ZNF407: variants seen among roughly 807,000 people sequenced by gnomAD.
ZNF407 encodes the protein zinc finger protein 407.
A neutral mutation model predicts 131.2 loss-of-function variants in ZNF407; 17 were observed. That is an observed-to-expected ratio of 0.13 (90% CI 0.09 to 0.19). The LOEUF (loss-of-function observed/expected upper bound fraction) is 0.19, where lower values mean the gene tolerates loss of function less well. ZNF407 is among the 10% of genes least tolerant of loss of function. The pLI, the probability that ZNF407 is intolerant of heterozygous loss-of-function variation, is 1.00. For missense variants in ZNF407, 2,681 were observed against 2,830.6 expected (o/e 0.95, Z 1.20); for synonymous variants, 1,156 against 1,062.0 (o/e 1.09, Z -1.72).
At chr18:74,871,411 C>A (rs1180157774) in intron 4 of ZNF407, among the ~76,000 whole-genome samples, 3 of 152,052 alleles carry the variant, frequency 2.0e-5, no homozygotes, top group Admixed American at 6.5e-5. Flanking sequence ...TTATAAACTT[C>A]GTTAGTACAT....
chr18:74,842,237 T>G (rs983618858), intron 4 of ZNF407, among the ~76,000 whole-genome samples: 2 of 152,136 alleles, frequency 1.3e-5, no homozygotes, highest in Non-Finnish European at 2.9e-5. Context: ...AAACGACAGG[T>G]GCCTAATAAA....
Position 74,632,422 on chromosome 18 carries a change from T to A in ZNF407, c.1403T>A (p.Met468Lys), listed in dbSNP as rs1359584330. The change falls in exon 2 of 9, where the codon ATG becomes AAG. Residue 468 changes from methionine to lysine, a missense_variant. Physicochemically the swap from Met to Lys is moderately conservative, Grantham distance 95. Coordinates refer to ENST00000299687, the MANE Select transcript of ZNF407 (RefSeq NM_017757.3). ...TATATGAAACACTTGAGAACACAGA[T>A]GAAAACACACGATGCAGAATCAGTG... ...RMYMKHLRTQ[M>K]KTHDAESVLK... The A allele has an allele frequency of 2.5e-6, 4 of 1,613,880 alleles. No individual in the cohort carries two copies. Among genetic ancestry groups the A allele is most frequent in the African/African-American group, 1.3e-5 (1 of 74,932 alleles).
At chr18:74,740,714 A>C (rs1002118219) in intron 3 of ZNF407, among the ~76,000 whole-genome samples, 1 of 152,110 alleles carries the variant, frequency 6.6e-6, no homozygotes, top group African/African-American at 2.4e-5. Flanking sequence ...AATTAATCCA[A>C]GTATCTTCCC....
At chr18:74,804,716 A>G (rs1599166346) in intron 4 of ZNF407, 3 of 647,802 alleles carry the variant, frequency 4.6e-6, no homozygotes, top group East Asian at 1.4e-4. Context: ...TACCATGATT[A>G]TCTGATATTC....
chr18:75,031,486 C>G (rs1257352311), intron 8 of ZNF407, among the ~76,000 whole-genome samples: 1 of 152,052 alleles, frequency 6.6e-6, no homozygotes, highest in African/African-American at 2.4e-5. Flanking sequence ...ATTAATTAGA[C>G]TTTTGTTTTG....
intron 3 of ZNF407, among the ~76,000 whole-genome samples, chr18:74,737,478 T>C (rs1026878714): frequency 3.2e-4 from 49 of 152,380 alleles, no homozygotes; most frequent in African/African-American, 1.1e-3. Flanking sequence ...TATAATTGTT[T>C]GTTATCTGTA....
At chr18:74,726,256 G>A (rs372580322) in intron 3 of ZNF407, among the ~76,000 whole-genome samples, 1 of 152,026 alleles carries the variant, frequency 6.6e-6, no homozygotes, top group African/African-American at 2.4e-5. Context: ...GGATAATTAT[G>A]GCTGAGAGTC....
At chr18:74,725,498 CT>C (rs1968135980) in intron 3 of ZNF407, among the ~76,000 whole-genome samples, 2 of 152,118 alleles carry the variant, frequency 1.3e-5, no homozygotes, top group African/African-American at 2.4e-5. Context: ...TAGTATATCA[CT>C]TTTTTTGTTT....
intron 8 of ZNF407, among the ~76,000 whole-genome samples, chr18:74,997,353 G>A (rs544066648): frequency 4.6e-5 from 7 of 152,260 alleles, no homozygotes; most frequent in Non-Finnish European, 7.3e-5. Context: ...GGGGCCTCTC[G>A]CAGCTCTGCA....
intron 8 of ZNF407, among the ~76,000 whole-genome samples, chr18:75,032,091 A>G (rs1480825768): frequency 1.3e-5 from 2 of 152,074 alleles, no homozygotes; most frequent in Non-Finnish European, 2.9e-5. Flanking sequence ...GCGGAATCAC[A>G]CTCTAAACGC....
rs1253957280 is a variant in ZNF407, at chr18:75,002,260, G to T, written c.5429-60890G>T. On this transcript the variant is annotated intron_variant, in intron 8 of 8. Coordinates refer to ENST00000299687, the MANE Select transcript of ZNF407 (RefSeq NM_017757.3). ...GAATTAATAAATATTCTGACCACAA[G>T]TTTCTAAATGCAGGTTTTCTAAGAA... Among the ~76,000 whole-genome samples the T allele has an allele frequency of 2.6e-5, 4 of 152,336 alleles. No individual in the cohort carries two copies. In the East Asian group the frequency reaches 7.7e-4, roughly 29 times the overall value.
intron 8 of ZNF407, among the ~76,000 whole-genome samples, chr18:74,939,518 G>A (rs1464455991): frequency 6.6e-6 from 1 of 152,164 alleles, no homozygotes; most frequent in African/African-American, 2.4e-5. Flanking sequence ...AGACGGATCT[G>A]AATAGGCAAT....
intron 3 of ZNF407, among the ~76,000 whole-genome samples, chr18:74,643,361 A>G (rs540266257): frequency 3.9e-4 from 59 of 152,088 alleles, no homozygotes; most frequent in Non-Finnish European, 7.7e-4. Context: ...ATGCTTTAAA[A>G]GGTGAAGCGA....
intron 8 of ZNF407, among the ~76,000 whole-genome samples, chr18:75,016,541 T>TA (rs796955236): frequency 1.1e-3 from 163 of 152,180 alleles, no homozygotes; most frequent in African/African-American, 3.9e-3. Flanking sequence ...CTCATATGTG[T>TA]AATCATGTTT....
At chr18:74,779,287 T>C (rs1057467771) in intron 3 of ZNF407, among the ~76,000 whole-genome samples, 7 of 151,064 alleles carry the variant, frequency 4.6e-5, no homozygotes, top group Non-Finnish European at 8.9e-5. Flanking sequence ...GGCTAATTTT[T>C]GTATTTTTAG....
At chr18:74,701,068 C>T (rs1476643406) in intron 3 of ZNF407, among the ~76,000 whole-genome samples, 2 of 152,160 alleles carry the variant, frequency 1.3e-5, no homozygotes, top group East Asian at 1.9e-4. Context: ...TGTCTCTCTC[C>T]TCCTCCGCAT....
intron 4 of ZNF407, among the ~76,000 whole-genome samples, chr18:74,838,616 T>G (rs1461584279): frequency 6.6e-6 from 1 of 152,220 alleles, no homozygotes; most frequent in Admixed American, 6.5e-5. Context: ...AATGTGTGTA[T>G]GTACTTTATT....
At chr18:74,713,111 A>G (rs1967804816) in intron 3 of ZNF407, among the ~76,000 whole-genome samples, 1 of 152,178 alleles carries the variant, frequency 6.6e-6, no homozygotes, top group South Asian at 2.1e-4. Flanking sequence ...AGTTTTCTGA[A>G]CGGTACAGCT....
chr18:75,064,225 G>A lies in ZNF407; in HGVS notation c.6504G>A (p.Thr2168=), dbSNP rs769576315. Residue 2168 remains threonine (T), a synonymous_variant, in exon 9 of 9, where the codon ACG becomes ACA. Coordinates refer to ENST00000299687, the MANE Select transcript of ZNF407 (RefSeq NM_017757.3). ...ESSGGFSEGT[T]HYILTELPPG... Reference sequence around the variant, plus strand: ...GTGGCGGCTTCTCCGAGGGCACCACGCACTACATCCTGACAGAGCTGCCCC... The same window carrying A: ...GTGGCGGCTTCTCCGAGGGCACCACACACTACATCCTGACAGAGCTGCCCC... The A allele has an allele frequency of 6.0e-5, 97 of 1,606,506 alleles. No individual in the cohort carries two copies. Among genetic ancestry groups the A allele is most frequent in the Non-Finnish European group, 7.5e-5 (88 of 1,178,206 alleles).
Sources: gnomAD v4.1 joint callset for allele counts (sites outside exome capture counted in the v4.1 genomes callset) on GRCh38, gnomAD v4.1.1 for gene constraint, MANE v1.5 for transcripts, NCBI Gene and HGNC (gene_info 2026-07-23, HGNC 2026-07-21) for gene names.